Variants in AAMDC observed in about 807,000 individuals in gnomAD.
The protein encoded by AAMDC is adipogenesis associated Mth938 domain containing, also known as mth938 domain-containing protein.
A neutral mutation model predicts 15.5 loss-of-function variants in AAMDC; 16 were observed. The observed-to-expected ratio is 1.03, with a 90% CI of 0.70 to 1.57. The LOEUF is 1.57. Ranked by LOEUF, AAMDC falls within the 40% of genes most tolerant of loss-of-function variation. The pLI is 0.00. For synonymous variants in AAMDC, 51 were observed against 51.6 expected, an observed-to-expected ratio of 0.99 and a Z score of 0.05; for missense variants, 141 against 144.9, an observed-to-expected ratio of 0.97 and a Z score of 0.14.
At chr11:77,833,678 T>A (rs547178918) in intron 1 of AAMDC, among the ~76,000 whole-genome samples, 1 of 152,318 alleles carries the variant, frequency 6.6e-6, no homozygotes, top group South Asian at 2.1e-4. Flanking sequence ...CCCACTAATA[T>A]CCCCTTGTAC....
At chr11:77,843,629 A>G (rs1472155852) in intron 2 of AAMDC, among the ~76,000 whole-genome samples, 1 of 152,222 alleles carries the variant, frequency 6.6e-6, no homozygotes, top group Non-Finnish European at 1.5e-5. Flanking sequence ...TCTGGCTTCT[A>G]TAAAAAAAAT....
chr11:77,878,506 TA>T (rs566159329), intron 5 of AAMDC, among the ~76,000 whole-genome samples: 33 of 146,998 alleles, frequency 2.2e-4, no homozygotes, highest in Admixed American at 2.7e-4. Flanking sequence ...CTGTCAATGG[TA>T]AAAAAAAAAA....
chr11:77,875,899 A>G (rs1305406576), downstream of AAMDC, among the ~76,000 whole-genome samples: 2 of 152,190 alleles, frequency 1.3e-5, no homozygotes, highest in Non-Finnish European at 2.9e-5. Flanking sequence ...AGTGGAGTAC[A>G]GAGACAGTTT....
intron 1 of AAMDC, among the ~76,000 whole-genome samples, chr11:77,827,845 C>T (rs1005136455): frequency 1.3e-5 from 2 of 152,242 alleles, no homozygotes; most frequent in African/African-American, 2.4e-5. Context: ...TCTTAAATTA[C>T]TGATCTTGTA....
intron 1 of AAMDC, among the ~76,000 whole-genome samples, chr11:77,827,631 T>C (rs1218856409): frequency 6.6e-6 from 1 of 152,224 alleles, no homozygotes. Context: ...TTTTTCAGCC[T>C]GATTAAGAGC....
chr11:77,887,394 A>G (rs575165384), intron 5 of AAMDC, among the ~76,000 whole-genome samples: 1 of 152,336 alleles, frequency 6.6e-6, no homozygotes, highest in South Asian at 2.1e-4. Context: ...AAAACTCTCA[A>G]TAAATTAGGT....
rs372768191 is a variant in AAMDC, at chr11:77,854,721, G to A, written c.132+12093G>A. Among the ~76,000 whole-genome samples, 89 of 152,282 alleles carry A rather than the reference G, an allele frequency of 5.8e-4. 2 individuals carry two copies. In the South Asian group the frequency reaches 0.017, roughly 30 times the overall value. On this transcript the variant is annotated intron_variant, in intron 2 of 3. Coordinates refer to ENST00000393427, the MANE Select transcript of AAMDC (RefSeq NM_024684.4). Reference sequence around the variant, plus strand: ...GTTTTCCAGGTGCATGGTGCAAGCCGTTGGTGGATCTACCATTCTCATGTC... The same window carrying A: ...GTTTTCCAGGTGCATGGTGCAAGCCATTGGTGGATCTACCATTCTCATGTC...
At chr11:77,844,825 T>C (rs1033808084) in intron 2 of AAMDC, among the ~76,000 whole-genome samples, 1 of 152,224 alleles carries the variant, frequency 6.6e-6, no homozygotes, top group Non-Finnish European at 1.5e-5. Flanking sequence ...GTGGAGCGCC[T>C]CATGATGTAA....
chr11:77,896,868 C>T (rs1250821492), intron 5 of AAMDC, among the ~76,000 whole-genome samples: 4 of 149,042 alleles, frequency 2.7e-5, no homozygotes, highest in Non-Finnish European at 4.4e-5. Context: ...CGAAGATCAG[C>T]AAGAATATTG....
At chr11:77,866,711 G>A (rs1184855197) in intron 2 of AAMDC, 1 of 151,574 alleles carries the variant, frequency 6.6e-6, no homozygotes, top group East Asian at 1.9e-4. Context: ...CTCTGGGTGA[G>A]AGAGTGAGAC....
chr11:77,895,406 T>C (rs1952466848), intron 5 of AAMDC, among the ~76,000 whole-genome samples: 1 of 151,916 alleles, frequency 6.6e-6, no homozygotes, highest in Non-Finnish European at 1.5e-5. Flanking sequence ...TTCTTCATCA[T>C]ATATTTCCTA....
intron 1 of AAMDC, among the ~76,000 whole-genome samples, chr11:77,837,198 C>T (rs1274292599): frequency 1.3e-5 from 2 of 151,768 alleles, no homozygotes; most frequent in South Asian, 2.1e-4. Flanking sequence ...TGCAGTGGCA[C>T]GATCTCAGCT....
intron 1 of AAMDC, among the ~76,000 whole-genome samples, chr11:77,831,738 C>A (rs1949435398): frequency 6.6e-6 from 1 of 151,096 alleles, no homozygotes; most frequent in Non-Finnish European, 1.5e-5. Context: ...CTCTGTCACC[C>A]AGGCTGGAGT....
At chr11:77,830,561 T>C (rs1949375224) in intron 1 of AAMDC, among the ~76,000 whole-genome samples, 1 of 146,380 alleles carries the variant, frequency 6.8e-6, no homozygotes, top group African/African-American at 2.5e-5. Context: ...CCTTGTCCAC[T>C]AGAGGCAAGG....
chr11:77,835,716 T>G (rs1407525126), intron 1 of AAMDC, among the ~76,000 whole-genome samples: 1 of 151,806 alleles, frequency 6.6e-6, no homozygotes, highest in Non-Finnish European at 1.5e-5. Flanking sequence ...ATCAGGAATT[T>G]GAGACCAGCC....
At chr11:77,838,998 T>C (rs1483121208) in intron 1 of AAMDC, among the ~76,000 whole-genome samples, 1 of 152,186 alleles carries the variant, frequency 6.6e-6, no homozygotes, top group East Asian at 1.9e-4. Context: ...TTATTGAGAT[T>C]CTGTATTTGC....
At chr11:77,900,239 AC>A (rs1265141719) in intron 5 of AAMDC, among the ~76,000 whole-genome samples, 6 of 152,036 alleles carry the variant, frequency 3.9e-5, no homozygotes, top group Non-Finnish European at 8.8e-5. Context: ...AGCTGGGACT[AC>A]TGGTGCATGC....
At chr11:77,903,588 G>A, downstream of AAMDC, 1 of 1,613,894 alleles carries the variant, frequency 6.2e-7, no homozygotes, top group Non-Finnish European at 8.5e-7. Context: ...AATACAAAGG[G>A]GCAGCTACAT....
At chr11:77,840,550 T>C (rs1949886817) in intron 1 of AAMDC, among the ~76,000 whole-genome samples, 1 of 152,136 alleles carries the variant, frequency 6.6e-6, no homozygotes, top group South Asian at 2.1e-4. Context: ...AAGTGTTTAA[T>C]GTATTTCTAT....
Sources: allele counts gnomAD v4.1 joint callset (sites outside exome capture counted in the v4.1 genomes callset), GRCh38; gene constraint gnomAD v4.1.1; transcripts MANE v1.5; gene names NCBI Gene and HGNC (gene_info 2026-07-23, HGNC 2026-07-21).